Variants in SLCO4C1 observed in about 807,000 individuals in gnomAD.
SLCO4C1 encodes the protein organic anion transporter M1.
A neutral mutation model predicts 72.1 loss-of-function variants in SLCO4C1; 58 were observed. The observed-to-expected ratio is 0.80, with a 90% confidence interval of 0.65 to 1.00. The LOEUF is 1.00. Ranked by LOEUF, SLCO4C1 falls within the 50% of genes least tolerant of loss-of-function variation. The pLI is 0.00. For missense variants in SLCO4C1, 898 were observed against 857.9 expected, an observed-to-expected ratio of 1.05 and a Z score of -0.58; for synonymous variants, 297 against 312.5, an observed-to-expected ratio of 0.95 and a Z score of 0.52.
intron 5 of SLCO4C1, among the ~76,000 whole-genome samples, chr5:102,261,461 TAA>T (rs542691491): frequency 3.4e-4 from 44 of 130,982 alleles, no homozygotes; most frequent in Admixed American, 5.4e-4. Context: ...TCACATACAG[TAA>T]AAAAAAAAAA....
chr5:102,280,090 C>CAAAAAAAAAAAAAAAAAA (rs36217271), intron 2 of SLCO4C1, among the ~76,000 whole-genome samples: 8 of 68,844 alleles, frequency 1.2e-4, no homozygotes, highest in Non-Finnish European at 1.9e-4. Flanking sequence ...TGCAATAAGG[C>CAAAAAAAAAAAAAAAAAA]AAAAAAAAAA....
At chr5:102,252,658 C>G (rs925872183) in intron 8 of SLCO4C1, among the ~76,000 whole-genome samples, 1 of 152,110 alleles carries the variant, frequency 6.6e-6, no homozygotes, top group Non-Finnish European at 1.5e-5. Context: ...TTACTGAGAT[C>G]ATACAAAGTA....
Position 102,239,275 on chromosome 5 carries a change from T to C in SLCO4C1, c.1990A>G (p.Met664Val). The C allele has an allele frequency of 6.3e-7, 1 of 1,599,610 alleles. No individual in the cohort carries two copies. Among genetic ancestry groups the C allele is most frequent in the Non-Finnish European group, 8.5e-7 (1 of 1,173,192 alleles). ...GACWIYDNIK[M>V]AHMLVAISVT... ...CTTATGGCTACTAGCATATGGGCCA[T>C]CTTGATGTTATCATAAATCCAGCAA... Residue 664 changes from methionine (M) to valine (V), a missense_variant, in exon 12 of 13, where the codon ATG becomes GTG. By Grantham distance (21) the Met-to-Val change is conservative. Transcript: ENST00000310954.
At chr5:102,271,538 G>T (rs1749152530) in intron 2 of SLCO4C1, among the ~76,000 whole-genome samples, 5 of 151,528 alleles carry the variant, frequency 3.3e-5, no homozygotes, top group Admixed American at 3.3e-4. Context: ...ATACAAATAT[G>T]CAATCCCACC....
rs368478162 is a variant in SLCO4C1, at chr5:102,249,790, T to C, written c.1470-2A>G. The stretch of plus-strand genomic sequence containing the variant: ...ATCAAGTTTCCCAATTCTCCAGTCC[T>C]GTAAATAAGAAATGAAAGAAGGGTA... On this transcript the variant is annotated splice_acceptor_variant, in intron 8 of 12. Coordinates refer to ENST00000310954, the MANE Select transcript of SLCO4C1 (RefSeq NM_180991.5). LOFTEE classifies it high-confidence loss of function. 12 of 1,610,296 alleles carry C rather than the reference T, an allele frequency of 7.5e-6. No homozygotes were observed. The highest frequency in any genetic ancestry group is 9.3e-6 in the Non-Finnish European group (11 of 1,179,112).
intron 6 of SLCO4C1, among the ~76,000 whole-genome samples, chr5:102,259,777 T>A (rs1343464194): frequency 6.6e-6 from 1 of 152,154 alleles, no homozygotes; most frequent in Admixed American, 6.5e-5. Flanking sequence ...GATAATTGAC[T>A]AATCAATTTC....
chr5:102,266,628 T>C (rs6895186), intron 3 of SLCO4C1, among the ~76,000 whole-genome samples: 58,487 of 151,688 alleles, frequency 0.39, 11,718 homozygotes, highest in Middle Eastern at 0.43. Context: ...CCAGCCTGGG[T>C]GACAAGAGCG....
At chr5:102,291,693 C>T in intron 1 of SLCO4C1, 87 bp from the exon 2 acceptor site, 8 of 1,159,294 alleles carry the variant, frequency 6.9e-6, no homozygotes, top group Non-Finnish European at 9.3e-6. Context: ...TTTGATTATT[C>T]ATTTCTTTTT....
intron 8 of SLCO4C1, among the ~76,000 whole-genome samples, chr5:102,254,352 C>T (rs1409969456): frequency 2.0e-5 from 3 of 152,124 alleles, no homozygotes; most frequent in Non-Finnish European, 2.9e-5. Flanking sequence ...TCCCAGAGTA[C>T]ACGATCAGTT....
At position 102,236,582 on chromosome 5, in the gene SLCO4C1, G is replaced by GTC; in HGVS notation, c.*275_*276insGA. On this transcript the variant is annotated 3_prime_UTR_variant, in exon 13 of 13. Transcript: ENST00000310954. ...ATAGGAAATAAGTGTGTATGTGTGC[G>GTC]TGTGTGTGTGTGTGTGTGTGTTCGT... 4.1e-5 allele frequency: 2 copies of GTC among 48,622 alleles called. No individual in the cohort carries two copies. The highest frequency in any genetic ancestry group is 4.5e-5 in the Non-Finnish European group (1 of 22,394). The allele number at this position is 48,622 out of a possible 1,614,324, so 3.0% of individuals were successfully genotyped here.
At chr5:102,238,824 A>T (rs1414150942) in intron 12 of SLCO4C1, among the ~76,000 whole-genome samples, 1 of 152,164 alleles carries the variant, frequency 6.6e-6, no homozygotes, top group Non-Finnish European at 1.5e-5. Flanking sequence ...AACTATAAAA[A>T]TGTTCCTTAC....
chr5:102,271,812 T>A (rs1014165513), intron 2 of SLCO4C1, among the ~76,000 whole-genome samples: 1 of 152,110 alleles, frequency 6.6e-6, no homozygotes, highest in Non-Finnish European at 1.5e-5. Flanking sequence ...TTTTACTACT[T>A]TATTTAGATA....
chr5:102,263,156 T>C (rs914344834), intron 4 of SLCO4C1, among the ~76,000 whole-genome samples: 1 of 152,176 alleles, frequency 6.6e-6, no homozygotes, highest in African/African-American at 2.4e-5. Context: ...AGATAGCACA[T>C]AAAATAAGTT....
intron 10 of SLCO4C1, among the ~76,000 whole-genome samples, chr5:102,242,019 G>C (rs1231616938): frequency 6.6e-6 from 1 of 152,174 alleles, no homozygotes; most frequent in East Asian, 1.9e-4. Flanking sequence ...GTAATACAGA[G>C]AGAATCTCTT....
intron 2 of SLCO4C1, among the ~76,000 whole-genome samples, chr5:102,278,357 T>C (rs941459039): frequency 1.3e-5 from 2 of 152,048 alleles, no homozygotes; most frequent in Non-Finnish European, 1.5e-5. Context: ...CAGAAATTTA[T>C]AGAATGAAAG....
chr5:102,295,782 G>A (rs1277234473), intron 1 of SLCO4C1, 126 bp downstream of exon 1: 5 of 950,234 alleles, frequency 5.3e-6, no homozygotes, highest in Non-Finnish European at 7.6e-6. Flanking sequence ...TTCCAAACCC[G>A]GGGCCACCTT....
Position 102,288,340 on chromosome 5 carries a change from A to C in SLCO4C1, c.619+3003T>G, listed in dbSNP as rs1252849107. Among the ~76,000 whole-genome samples the C allele has an allele frequency of 4.6e-5, 7 of 152,312 alleles. No individual in the cohort carries two copies. In the East Asian group the frequency reaches 9.6e-4, roughly 21 times the overall value. On this transcript the variant is annotated intron_variant, in intron 2 of 12. Transcript: ENST00000310954. The stretch of plus-strand genomic sequence containing the variant: ...CTAGTAAAAACGGCCCCAGCTGATC[A>C]AGCCAAATACCAAGGACTCCTTCAT...
chr5:102,295,965 G>T lies in SLCO4C1; in HGVS notation c.298C>A (p.Arg100Ser), dbSNP rs771246175. Residue 100 changes from arginine (R) to serine (S), a missense_variant, in exon 1 of 13, where the codon CGC becomes AGC. Physicochemically the swap from Arg to Ser is moderately radical, Grantham distance 110. Coordinates refer to ENST00000310954, the MANE Select transcript of SLCO4C1 (RefSeq NM_180991.5). Reference protein sequence around the residue: ...WRNFHPQCLQRCNTPGGFLLH... With the variant: ...WRNFHPQCLQSCNTPGGFLLH... ...AGAAAGCCTCCAGGTGTGTTGCAGCGCTGGAGACATTGAGGATGGAAGTTC... is the reference window on the plus strand; with the variant it reads ...AGAAAGCCTCCAGGTGTGTTGCAGCTCTGGAGACATTGAGGATGGAAGTTC... 9 of 1,614,140 alleles carry T rather than the reference G, an allele frequency of 5.6e-6. 1 individual carries two copies. The highest frequency in any genetic ancestry group is 3.3e-5 in the South Asian group (3 of 91,092).
At chr5:102,294,128 C>T (rs1295918721) in intron 1 of SLCO4C1, among the ~76,000 whole-genome samples, 1 of 152,168 alleles carries the variant, frequency 6.6e-6, no homozygotes, top group Non-Finnish European at 1.5e-5. Flanking sequence ...AGGCTGGTCT[C>T]GAACTCCTGA....
Sources: gnomAD v4.1 joint callset for allele counts (sites outside exome capture counted in the v4.1 genomes callset) on GRCh38, gnomAD v4.1.1 for gene constraint, MANE v1.5 for transcripts, NCBI Gene and HGNC (gene_info 2026-07-23, HGNC 2026-07-21) for gene names.